Variants in AGBL1 observed in about 807,000 individuals in gnomAD.
AGBL1 encodes cytosolic carboxypeptidase 4.
Under a neutral mutation model 118.9 loss-of-function variants are expected in AGBL1, and 130 were observed. The observed-to-expected ratio is 1.09, with a 90% CI of 0.95 to 1.26. The LOEUF (loss-of-function observed/expected upper bound fraction) is 1.26. AGBL1 is among the 50% of genes most tolerant of loss of function. The pLI is 0.00. For synonymous variants in AGBL1, 555 were observed against 478.9 expected (o/e 1.16, Z -2.08); for missense variants, 1,584 against 1,298.1 (o/e 1.22, Z -3.38).
chr15:86,196,686 A>G (rs1434261527), intron 5 of AGBL1, among the ~76,000 whole-genome samples: 1 of 152,146 alleles, frequency 6.6e-6, no homozygotes, highest in African/African-American at 2.4e-5. Context: ...CCCACCAAGT[A>G]CATATGTTGA....
chr15:86,144,134 T>A (rs1345094870), intron 3 of AGBL1, among the ~76,000 whole-genome samples: 2 of 152,220 alleles, frequency 1.3e-5, no homozygotes, highest in Non-Finnish European at 2.9e-5. Context: ...ATGCAGTTTT[T>A]AATTATTTTA....
At chr15:86,437,074 T>C (rs2082008921) in intron 18 of AGBL1, among the ~76,000 whole-genome samples, 1 of 152,106 alleles carries the variant, frequency 6.6e-6, no homozygotes, top group Non-Finnish European at 1.5e-5. Flanking sequence ...TAAAGCAGCT[T>C]CTCCCCTAGT....
At chr15:86,115,475 T>C (rs1038941109) in intron 1 of AGBL1, among the ~76,000 whole-genome samples, 1 of 152,200 alleles carries the variant, frequency 6.6e-6, no homozygotes, top group African/African-American at 2.4e-5. Context: ...AGAAATATCA[T>C]TGTGATCACT....
At chr15:86,385,319 C>T (rs1371284484) in intron 17 of AGBL1, among the ~76,000 whole-genome samples, 1 of 152,034 alleles carries the variant, frequency 6.6e-6, no homozygotes, top group Non-Finnish European at 1.5e-5. Context: ...ACTCGTGCGC[C>T]TTGTATTATA....
chr15:86,967,813 T>A (rs1393773689), intron 23 of AGBL1, among the ~76,000 whole-genome samples: 1 of 152,090 alleles, frequency 6.6e-6, no homozygotes, highest in Non-Finnish European at 1.5e-5. Flanking sequence ...ATGTGGGCTC[T>A]TTTTTTGTTC....
chr15:86,827,938 C>CTTTTTTGTTTTTTTTTTTTTTT (rs2079052801), intron 22 of AGBL1, among the ~76,000 whole-genome samples: 1 of 16,760 alleles, frequency 6.0e-5, no homozygotes, highest in Non-Finnish European at 1.2e-4. Context: ...TGATGTAGGG[C>CTTTTTTGTTTTTTTTTTTTTTT]TTTTTTTTTT....
chr15:86,116,695 A>G (rs1012714073), intron 1 of AGBL1: 1 of 152,154 alleles, frequency 6.6e-6, no homozygotes, highest in Non-Finnish European at 1.5e-5. Context: ...TACCCCTGAT[A>G]CCTCAGGTCT....
At chr15:86,548,274 T>C (rs1346365983) in intron 20 of AGBL1, among the ~76,000 whole-genome samples, 2 of 152,206 alleles carry the variant, frequency 1.3e-5, no homozygotes, top group East Asian at 3.8e-4. Context: ...AAGACTTTAT[T>C]TGGTCATTTA....
At chr15:86,517,102 C>G (rs2083130788) in intron 18 of AGBL1, among the ~76,000 whole-genome samples, 1 of 152,100 alleles carries the variant, frequency 6.6e-6, no homozygotes, top group South Asian at 2.1e-4. Context: ...ATGGGTTGGG[C>G]AAGTATGTAA....
intron 1 of AGBL1, among the ~76,000 whole-genome samples, chr15:86,111,364 T>C (rs1897370067): frequency 6.6e-6 from 1 of 152,214 alleles, no homozygotes; most frequent in South Asian, 2.1e-4. Flanking sequence ...TGTGTGTCTG[T>C]TACGTAGAAT....
At chr15:86,533,653 A>G (rs1421466129) in intron 19 of AGBL1, among the ~76,000 whole-genome samples, 1 of 133,754 alleles carries the variant, frequency 7.5e-6, no homozygotes, top group Non-Finnish European at 1.5e-5. Flanking sequence ...CTATAAAGAC[A>G]CATGCACACG....
At chr15:86,835,741 A>C (rs28756313) in intron 22 of AGBL1, among the ~76,000 whole-genome samples, 1,831 of 152,024 alleles carry the variant, frequency 0.012, 40 homozygotes, top group African/African-American at 0.042. Flanking sequence ...TTGGGATATA[A>C]ACGACTATAG....
chr15:86,242,841 A>G (rs2078661254), intron 6 of AGBL1, among the ~76,000 whole-genome samples: 2 of 152,204 alleles, frequency 1.3e-5, no homozygotes, highest in Admixed American at 1.3e-4. Context: ...TCAGGACACC[A>G]ACCACTTTTC....
chr15:87,018,565 G>A (rs1474396013), intron 24 of AGBL1, among the ~76,000 whole-genome samples: 1 of 152,082 alleles, frequency 6.6e-6, no homozygotes, highest in African/African-American at 2.4e-5. Context: ...AAATGCTGGA[G>A]GAATTCATTA....
chr15:86,948,320 T>C (rs72755645), intron 23 of AGBL1, among the ~76,000 whole-genome samples: 5,941 of 152,192 alleles, frequency 0.039, 159 homozygotes, highest in Middle Eastern at 0.072. Flanking sequence ...AAAGAACATA[T>C]TGCATTTTTA....
chr15:86,274,239 AT>A (rs1189772759), intron 15 of AGBL1, among the ~76,000 whole-genome samples: 3 of 152,124 alleles, frequency 2.0e-5, no homozygotes, highest in African/African-American at 7.2e-5. Context: ...GGAGTTTACC[AT>A]TAGATGTAGT....
chr15:86,944,861 G>A (rs759079415), intron 23 of AGBL1, among the ~76,000 whole-genome samples: 2 of 152,068 alleles, frequency 1.3e-5, no homozygotes, highest in South Asian at 2.1e-4. Flanking sequence ...TTTATTGACC[G>A]AACTAGGAGA....
intron 21 of AGBL1, among the ~76,000 whole-genome samples, chr15:86,621,246 A>G (rs1187464797): frequency 2.6e-5 from 4 of 152,228 alleles, no homozygotes; most frequent in African/African-American, 9.6e-5. Flanking sequence ...AGGGAAGTGA[A>G]CTGGGATAGT....
chr15:86,239,006 G>T (rs1221123567), intron 6 of AGBL1, among the ~76,000 whole-genome samples: 1 of 140,120 alleles, frequency 7.1e-6, no homozygotes, highest in African/African-American at 3.3e-5. Flanking sequence ...TGCTGAGGGT[G>T]GGGGAAGAGC....
Sources: gnomAD v4.1 joint callset for allele counts (sites outside exome capture counted in the v4.1 genomes callset) on GRCh38, gnomAD v4.1.1 for gene constraint, MANE v1.5 for transcripts, NCBI Gene and HGNC (gene_info 2026-07-23, HGNC 2026-07-21) for gene names.